Variants in TMCC1 observed in about 807,000 individuals in gnomAD.
TMCC1 encodes the protein transmembrane and coiled-coil domains protein 1.
Under a neutral mutation model 52.4 loss-of-function variants are expected in TMCC1, and 15 were observed. That is an observed-to-expected ratio of 0.29 (90% CI 0.19 to 0.44). The LOEUF (loss-of-function observed/expected upper bound fraction) is 0.44, where lower values mean the gene tolerates loss of function less well. TMCC1 is among the 20% of genes least tolerant of loss of function. The probability of loss-of-function intolerance (pLI) is 1.00; values close to 1 mark genes in which losing one functional copy is unlikely to be tolerated. For synonymous variants in TMCC1, 279 were observed against 301.9 expected (o/e 0.92, Z 0.79); for missense variants, 503 against 806.0 (o/e 0.62, Z 4.55).
chr3:129,786,703 C>T (rs1166368379), intron 4 of TMCC1, among the ~76,000 whole-genome samples: 1 of 152,184 alleles, frequency 6.6e-6, no homozygotes, highest in Non-Finnish European at 1.5e-5. Context: ...TGAACTTTCC[C>T]ATAAGAGTCA....
Position 129,776,418 on chromosome 3 carries a change from C to T in TMCC1, c.576+51385G>A, listed in dbSNP as rs948856456. 7.2e-5 allele frequency among the ~76,000 whole-genome samples: 11 copies of T among 152,072 alleles called. No homozygotes were observed. In the East Asian group the frequency reaches 1.7e-3, roughly 24 times the overall value. The stretch of plus-strand genomic sequence containing the variant: ...GAGATATTGATTTGGGCATCTTCCA[C>T]ATGTAAAGACAAATAATGCCAAAGA... On this transcript the variant is annotated intron_variant, in intron 4 of 6. Coordinates refer to ENST00000393238, the MANE Select transcript of TMCC1 (RefSeq NM_001017395.5).
At position 129,760,712 on chromosome 3, in the gene TMCC1, T is replaced by C. The variant is rs564928008; in HGVS notation, c.576+67091A>G. 4.6e-5 allele frequency among the ~76,000 whole-genome samples: 7 copies of C among 151,572 alleles called. No individual in the cohort carries two copies. In the South Asian group the frequency reaches 1.5e-3, roughly 32 times the overall value. ...CAGGATGGTCTCGATCTCCTGACCTTGTGATCTGCCCGCCTCGGGCTTCCA... is the reference window on the plus strand; with the variant it reads ...CAGGATGGTCTCGATCTCCTGACCTCGTGATCTGCCCGCCTCGGGCTTCCA... On this transcript the variant is annotated intron_variant, in intron 4 of 6. Coordinates refer to ENST00000393238, the MANE Select transcript of TMCC1 (RefSeq NM_001017395.5).
In TMCC1 at chr3:129,852,509, C is replaced by T. The variant is rs1013970652; in HGVS notation, c.-183-19683G>A. Among the ~76,000 whole-genome samples, 10 of 130,566 alleles carry T rather than the reference C, an allele frequency of 7.7e-5. No homozygotes were observed. In the South Asian group the frequency reaches 1.5e-3, roughly 20 times the overall value. 85.7% of individuals were successfully genotyped at this position (130,566 alleles called of 152,430 possible). On this transcript the variant is annotated intron_variant, in intron 2 of 6. Transcript: ENST00000393238. ...AAGAAAATTCTGCAGTATACAACAA[C>T]GAAGATGAACCTTTAGATGAACCTT... is the stretch of plus-strand genomic sequence containing the variant.
intron 1 of TMCC1, among the ~76,000 whole-genome samples, chr3:129,884,956 T>C (rs1211625918): frequency 6.6e-6 from 1 of 151,802 alleles, no homozygotes; most frequent in Non-Finnish European, 1.5e-5. Context: ...CTGGGCAACA[T>C]GGTGAAACCT....
intron 4 of TMCC1, among the ~76,000 whole-genome samples, chr3:129,695,793 T>C (rs188663427): frequency 1.0e-3 from 152 of 152,210 alleles, no homozygotes; most frequent in African/African-American, 3.4e-3. Flanking sequence ...AAACCAATCA[T>C]GCCTTTGAGG....
chr3:129,868,196 T>C (rs765740293), intron 2 of TMCC1, among the ~76,000 whole-genome samples: 10 of 152,208 alleles, frequency 6.6e-5, no homozygotes, highest in Non-Finnish European at 1.5e-4. Flanking sequence ...CTCTTCCTTT[T>C]CTGGCTATGA....
At chr3:129,704,211 A>G (rs73206245) in intron 4 of TMCC1, among the ~76,000 whole-genome samples, 1 of 152,354 alleles carries the variant, frequency 6.6e-6, no homozygotes, top group Non-Finnish European at 1.5e-5. Context: ...TCGAATTTAG[A>G]TATTTTGAAC....
At chr3:129,744,785 A>G (rs1012577782) in intron 4 of TMCC1, among the ~76,000 whole-genome samples, 7 of 152,336 alleles carry the variant, frequency 4.6e-5, no homozygotes, top group Non-Finnish European at 8.8e-5. Context: ...CCTTCACTCA[A>G]AGATGAAACT....
chr3:129,744,631 A>G (rs1257452130), intron 4 of TMCC1, among the ~76,000 whole-genome samples: 1 of 152,192 alleles, frequency 6.6e-6, no homozygotes, highest in Non-Finnish European at 1.5e-5. Flanking sequence ...ACACACACAT[A>G]TATCACCTTC....
intron 3 of TMCC1, among the ~76,000 whole-genome samples, chr3:129,830,241 C>T (rs761130555): frequency 2.0e-5 from 3 of 152,090 alleles, no homozygotes; most frequent in African/African-American, 7.2e-5. Flanking sequence ...AAACCCTTGC[C>T]CTTATTAGAT....
intron 4 of TMCC1, among the ~76,000 whole-genome samples, chr3:129,799,458 C>A (rs1396148259): frequency 6.6e-6 from 1 of 152,124 alleles, no homozygotes; most frequent in East Asian, 1.9e-4. Context: ...GCTCCTCTAT[C>A]CTCTCTTAGC....
At chr3:129,804,510 G>C (rs575895220) in intron 4 of TMCC1, among the ~76,000 whole-genome samples, 7 of 152,238 alleles carry the variant, frequency 4.6e-5, no homozygotes, top group African/African-American at 1.4e-4. Flanking sequence ...CCCCAGGACA[G>C]TTTTATTATC....
At chr3:129,700,545 C>T (rs1000256766) in intron 4 of TMCC1, among the ~76,000 whole-genome samples, 11 of 152,018 alleles carry the variant, frequency 7.2e-5, no homozygotes, top group East Asian at 1.9e-4. Context: ...GGTGCAATCT[C>T]GGCTCACTGC....
chr3:129,875,367 C>T (rs2061146159), intron 2 of TMCC1, among the ~76,000 whole-genome samples: 1 of 151,606 alleles, frequency 6.6e-6, no homozygotes, highest in African/African-American at 2.4e-5. Flanking sequence ...TAGCCGGCGC[C>T]TGTAATCCCA....
chr3:129,802,412 T>C (rs180812234), intron 4 of TMCC1, among the ~76,000 whole-genome samples: 6 of 152,308 alleles, frequency 3.9e-5, no homozygotes, highest in Admixed American at 2.6e-4. Context: ...ATAGGCCTTC[T>C]TTCCCCCAGA....
At chr3:129,688,176 C>T (rs1164816110) in intron 4 of TMCC1, 2 of 985,244 alleles carry the variant, frequency 2.0e-6, no homozygotes, top group East Asian at 1.1e-4. Context: ...ATTTATCTTA[C>T]CAAAACCCCC....
At chr3:129,677,687 CCT>C (rs577511833) in intron 4 of TMCC1, among the ~76,000 whole-genome samples, 150 of 152,256 alleles carry the variant, frequency 9.9e-4, no homozygotes, top group African/African-American at 3.4e-3. Context: ...TCTGGCTCTC[CCT>C]GAGCTGGTTG....
At chr3:129,831,168 A>C (rs1353652305) in intron 3 of TMCC1, among the ~76,000 whole-genome samples, 1 of 152,084 alleles carries the variant, frequency 6.6e-6, no homozygotes, top group Non-Finnish European at 1.5e-5. Flanking sequence ...TCCTGACCTC[A>C]AGTGATCCAA....
chr3:129,651,392 TAGAA>T lies in TMCC1; in HGVS notation c.*85_*88del. 1.5e-6 allele frequency: 2 copies of T among 1,376,590 alleles called. No individual in the cohort carries two copies. Among genetic ancestry groups the T allele is most frequent in the Non-Finnish European group, 9.9e-7 (1 of 1,010,990 alleles). The allele number at this position is 1,376,590 out of a possible 1,614,324, so 85.3% of individuals were successfully genotyped here. ...GATTCACTCAACTCTTTTTTTGTTG[TAGAA>T]AACTTCAGAGTAGGTAAGTTGCTGT... On this transcript the variant is annotated 3_prime_UTR_variant, in exon 7 of 7. Coordinates refer to ENST00000393238, the MANE Select transcript of TMCC1 (RefSeq NM_001017395.5). The surrounding 1 kb of genome is among the most constrained non-coding windows in gnomAD (Gnocchi z 5.1).
Sources: allele counts gnomAD v4.1 joint callset (sites outside exome capture counted in the v4.1 genomes callset), GRCh38; gene constraint gnomAD v4.1.1; non-coding constraint Gnocchi (gnomAD v3.1); transcripts MANE v1.5; gene names NCBI Gene and HGNC (gene_info 2026-07-23, HGNC 2026-07-21).